Variants in SRP68 observed in about 807,000 individuals in gnomAD.
The protein encoded by SRP68 is signal recognition particle 68, also known as signal recognition particle subunit SRP68.
Under a neutral mutation model 82.2 loss-of-function variants are expected in SRP68, and 15 were observed. The ratio of observed to expected loss-of-function variants is 0.18; its 90% CI spans 0.12 to 0.28. SRP68 has a LOEUF of 0.28. SRP68 is among the 10% of genes least tolerant of loss of function. The probability of loss-of-function intolerance (pLI) is 1.00; values close to 1 mark genes in which losing one functional copy is unlikely to be tolerated. For synonymous variants in SRP68, 261 were observed against 292.6 expected (o/e 0.89, Z 1.10); for missense variants, 595 against 780.5 (o/e 0.76, Z 2.83).
At chr17:76,059,818 A>G (rs1408472042) in intron 7 of SRP68, among the ~76,000 whole-genome samples, 1 of 147,844 alleles carries the variant, frequency 6.8e-6, no homozygotes, top group Non-Finnish European at 1.5e-5. Flanking sequence ...AGAATACTTC[A>G]AGTGTTAACT....
At chr17:76,060,431 G>T in intron 6 of SRP68, 41 bp from the exon 7 acceptor site, 1 of 1,484,128 alleles carries the variant, frequency 6.7e-7, no homozygotes, top group Non-Finnish European at 9.4e-7. Context: ...GGTCTGGTCT[G>T]TTTTCTTGAG....
chr17:76,058,522 G>A (rs2066728366), intron 7 of SRP68, among the ~76,000 whole-genome samples: 1 of 152,100 alleles, frequency 6.6e-6, no homozygotes, highest in African/African-American at 2.4e-5. Context: ...GCCTCCCACA[G>A]TGCCAGGATT....
intron 10 of SRP68, among the ~76,000 whole-genome samples, chr17:76,046,465 GAAAA>G (rs745410222): frequency 9.8e-5 from 7 of 71,282 alleles, no homozygotes; most frequent in African/African-American, 6.5e-4. Flanking sequence ...CCACACAGTG[GAAAA>G]AAAAAAAAAA....
chr17:76,062,250 G>A (rs867097014), intron 4 of SRP68, among the ~76,000 whole-genome samples: 31 of 147,978 alleles, frequency 2.1e-4, no homozygotes, highest in Middle Eastern at 3.5e-3. Context: ...CTGCACCACT[G>A]CATTCCAATC....
chr17:76,050,298 C>CA (rs1382859501), intron 9 of SRP68, 130 bp downstream of exon 9: 21 of 644,750 alleles, frequency 3.3e-5, no homozygotes, highest in Middle Eastern at 4.3e-4. Flanking sequence ...GACCTCACCT[C>CA]AAAAAAACAA....
chr17:76,045,320 G>C lies in SRP68; in HGVS notation c.1366C>G (p.Leu456Val). Residue 456 changes from leucine (L) to valine (V), a missense_variant, in exon 12 of 16, where the codon CTC becomes GTC. This residue lies in a region of SRP68 where 495 missense variants were observed against 688.6 expected (regional missense o/e 0.72). Transcript: ENST00000307877. Reference protein sequence around the residue: ...EDKAFQKEIGLKTLVFKAYRC... With the variant: ...EDKAFQKEIGVKTLVFKAYRC... ...TAAGCTTTGAACACCAGAGTCTTGAGGCCTATCTCTTTCTGGAAGGCTTTG... is the reference window on the plus strand; with the variant it reads ...TAAGCTTTGAACACCAGAGTCTTGACGCCTATCTCTTTCTGGAAGGCTTTG... 6.2e-7 allele frequency: 1 copy of C among 1,613,774 alleles called. No individual in the cohort carries two copies.
Position 76,040,419 on chromosome 17 carries a change from C to T in SRP68, c.1656G>A (p.Lys552=). ...CTCAAAAACCATGGCCCAGACTTAC[C>T]TTATTGTCCTTGACTTGGGAGGAGG... is the stretch of plus-strand genomic sequence containing the variant. ...ETSSSQVKDN[K]PLVERFETFC... is the part of the protein sequence containing the mutation. Residue 552 remains lysine, a splice_region_variant and synonymous_variant, in exon 15 of 16, where the codon AAG becomes AAA. Coordinates refer to ENST00000307877, the MANE Select transcript of SRP68 (RefSeq NM_014230.4). The T allele has an allele frequency of 1.9e-6, 3 of 1,613,946 alleles. No individual in the cohort carries two copies. The highest frequency in any genetic ancestry group is 1.1e-5 in the South Asian group (1 of 91,084).
chr17:76,061,084 T>C, intron 6 of SRP68, 26 bp downstream of exon 6: 1 of 1,386,218 alleles, frequency 7.2e-7, no homozygotes, highest in Non-Finnish European at 1.0e-6. Flanking sequence ...TCAAGTTGAG[T>C]ATAATGCCTT....
intron 13 of SRP68, among the ~76,000 whole-genome samples, chr17:76,041,978 C>G (rs149292178): frequency 0.026 from 3,879 of 151,988 alleles, 145 homozygotes; most frequent in African/African-American, 0.086. Context: ...CCGCCTCCCG[C>G]GTTCACGCCA....
At chr17:76,060,089 G>A (rs1267212793) in intron 7 of SRP68, among the ~76,000 whole-genome samples, 16 of 111,934 alleles carry the variant, frequency 1.4e-4, no homozygotes, top group Non-Finnish European at 2.3e-4. Flanking sequence ...TCGTGCCACC[G>A]CACTCCAGCC....
intron 8 of SRP68, among the ~76,000 whole-genome samples, chr17:76,052,064 C>A (rs368853820): frequency 6.6e-6 from 1 of 152,086 alleles, no homozygotes; most frequent in Non-Finnish European, 1.5e-5. Context: ...CCCGCCACCA[C>A]GCCTGGCTAT....
intron 4 of SRP68, among the ~76,000 whole-genome samples, chr17:76,062,519 ATATAT>A (rs1190201559): frequency 2.7e-5 from 3 of 111,180 alleles, no homozygotes; most frequent in African/African-American, 1.1e-4. Flanking sequence ...AATATACATT[ATATAT>A]TATATAATAT....
intron 2 of SRP68, among the ~76,000 whole-genome samples, chr17:76,069,701 C>T (rs753947095): frequency 4.0e-5 from 6 of 149,904 alleles, no homozygotes; most frequent in Middle Eastern, 3.5e-3. Flanking sequence ...AGTGAGACTC[C>T]GTATCAAAAA....
chr17:76,041,978 C>T (rs149292178), intron 13 of SRP68, among the ~76,000 whole-genome samples: 2 of 151,892 alleles, frequency 1.3e-5, no homozygotes, highest in East Asian at 3.9e-4. Flanking sequence ...CCGCCTCCCG[C>T]GTTCACGCCA....
chr17:76,065,690 A>G (rs1391891140), intron 3 of SRP68, among the ~76,000 whole-genome samples: 1 of 152,080 alleles, frequency 6.6e-6, no homozygotes, highest in Non-Finnish European at 1.5e-5. Flanking sequence ...CTTCACTCTC[A>G]CAAATCCTTC....
chr17:76,069,880 C>T (rs549559594), intron 2 of SRP68, among the ~76,000 whole-genome samples: 7 of 151,786 alleles, frequency 4.6e-5, no homozygotes, highest in African/African-American at 1.7e-4. Context: ...AGTTTGAGAC[C>T]AGCCTGGCCA....
At chr17:76,065,330 C>A (rs564490200) in intron 3 of SRP68, among the ~76,000 whole-genome samples, 1 of 151,398 alleles carries the variant, frequency 6.6e-6, no homozygotes, top group African/African-American at 2.4e-5. Context: ...GTGGTACATG[C>A]CTATAGTCCC....
intron 1 of SRP68, among the ~76,000 whole-genome samples, 166 bp from the exon 2 acceptor site, chr17:76,070,610 GC>G (rs2066843748): frequency 6.6e-6 from 1 of 152,176 alleles, no homozygotes; most frequent in African/African-American, 2.4e-5. Context: ...GGAGGCCGAG[GC>G]GGGTGTATCA....
intron 4 of SRP68, among the ~76,000 whole-genome samples, chr17:76,063,667 G>A (rs1372416093): frequency 1.4e-5 from 2 of 139,648 alleles, no homozygotes; most frequent in African/African-American, 2.8e-5. Context: ...CAGCCTGGGC[G>A]ACAAAGCAAG....
Sources: gnomAD v4.1 joint callset for allele counts (sites outside exome capture counted in the v4.1 genomes callset) on GRCh38, gnomAD v4.1.1 for gene constraint, gnomAD v4.1.1 regional missense constraint, MANE v1.5 for transcripts, NCBI Gene and HGNC (gene_info 2026-07-23, HGNC 2026-07-21) for gene names.